The following GRIN3A variants were observed in gnomAD, a reference collection of about 807,000 sequenced individuals.
The protein encoded by GRIN3A is glutamate receptor ionotropic, NMDA 3A.
GRIN3A carries 47 observed loss-of-function variants against 92.4 expected under a neutral mutation model. The observed-to-expected ratio is 0.51, with a 90% CI of 0.40 to 0.65. The LOEUF (loss-of-function observed/expected upper bound fraction) is 0.65. GRIN3A is among the 30% of genes least tolerant of loss of function. GRIN3A has a pLI of 0.00. For missense variants in GRIN3A, 1,324 were observed against 1,393.1 expected (o/e 0.95, Z 0.79); for synonymous variants, 527 against 540.6 (o/e 0.97, Z 0.35).
chr9:101,591,695 G>A (rs563638729), intron 6 of GRIN3A: 20 of 152,282 alleles, frequency 1.3e-4, no homozygotes, highest in African/African-American at 4.8e-4. Context: ...TTAACTGACA[G>A]GAAAAACAAA....
intron 3 of GRIN3A, among the ~76,000 whole-genome samples, chr9:101,648,621 C>T (rs1005682): frequency 0.35 from 53,912 of 151,876 alleles, 10,078 homozygotes; most frequent in African/African-American, 0.48. Context: ...AATATTTGTT[C>T]TATGTATTTA....
chr9:101,686,297 A>G (rs1829531986), intron 2 of GRIN3A, among the ~76,000 whole-genome samples: 1 of 152,150 alleles, frequency 6.6e-6, no homozygotes, highest in Admixed American at 6.5e-5. Context: ...TAGTTAGAAA[A>G]CTGAGGCTTG....
Position 101,737,713 on chromosome 9 carries a change from C to T in GRIN3A, c.267G>A (p.Pro89=), listed in dbSNP as rs926118963. 3.3e-6 allele frequency: 5 copies of T among 1,530,066 alleles called. No homozygotes were observed. In the African/African-American group the frequency reaches 4.1e-5, roughly 13 times the overall value. The allele number at this position is 1,530,066 out of a possible 1,614,324, so 94.8% of individuals were successfully genotyped here. A position where few individuals can be genotyped will look rare whatever the true frequency, so the allele number is the denominator to read the frequency against. Residue 89 remains proline, a synonymous_variant, in exon 1 of 9, where the codon CCG becomes CCA. Coordinates refer to ENST00000361820, the MANE Select transcript of GRIN3A (RefSeq NM_133445.3). Reference sequence around the variant, plus strand: ...ACCAGCGTGCGCCCGGCGAGGGCGCCGGGGACCGCCTAGTCCCTGGCTCCG... The same window carrying T: ...ACCAGCGTGCGCCCGGCGAGGGCGCTGGGGACCGCCTAGTCCCTGGCTCCG... ...DEPEPGTRRS[P]APSPGARWLG... is the part of the protein sequence containing the mutation.
chr9:101,606,079 C>G (rs1283778354), intron 6 of GRIN3A, among the ~76,000 whole-genome samples: 1 of 152,204 alleles, frequency 6.6e-6, no homozygotes, highest in Non-Finnish European at 1.5e-5. Context: ...ACTTCTCTCT[C>G]CTTCCCAACA....
intron 6 of GRIN3A, chr9:101,601,169 A>G (rs1828205323): frequency 6.6e-6 from 1 of 152,240 alleles, no homozygotes; most frequent in Non-Finnish European, 1.5e-5. Flanking sequence ...GAAAGAGTAC[A>G]GGTGTAGATA....
intron 3 of GRIN3A, among the ~76,000 whole-genome samples, chr9:101,660,881 A>G (rs1371408760): frequency 2.6e-5 from 4 of 151,928 alleles, no homozygotes; most frequent in African/African-American, 4.8e-5. Flanking sequence ...TCTTATTCCA[A>G]TGATGCTGCC....
intron 6 of GRIN3A, among the ~76,000 whole-genome samples, chr9:101,586,251 C>A (rs1357250819): frequency 6.6e-6 from 1 of 152,088 alleles, no homozygotes; most frequent in Non-Finnish European, 1.5e-5. Flanking sequence ...TTGTTTATTG[C>A]CTATTTCCCC....
intron 1 of GRIN3A, among the ~76,000 whole-genome samples, chr9:101,706,961 A>G (rs561912018): frequency 4.6e-5 from 7 of 152,316 alleles, no homozygotes; most frequent in Admixed American, 3.3e-4. Context: ...CACAGATTTC[A>G]GAAAAGAAAC....
rs748683989 is a variant in GRIN3A, at chr9:101,573,556, CT to C, written c.3009-44del. 4 of 1,459,108 alleles carry C rather than the reference CT, an allele frequency of 2.7e-6. No homozygotes were observed. The African/African-American group carries it at 5.6e-5, about 20-fold the overall frequency. 90.4% of individuals were successfully genotyped at this position (1,459,108 alleles called of 1,614,324 possible). On this transcript the variant is annotated intron_variant, in intron 8 of 8. Coordinates refer to ENST00000361820, the MANE Select transcript of GRIN3A (RefSeq NM_133445.3). ...TTTAGATTTACTTTCCATTCTGCAG[CT>C]CTCAAGGTGCTGTCTTCATCTGTTA...
chr9:101,730,609 C>A (rs1830126397), intron 1 of GRIN3A, among the ~76,000 whole-genome samples: 1 of 152,106 alleles, frequency 6.6e-6, no homozygotes, highest in Non-Finnish European at 1.5e-5. Context: ...TTAACTCCCA[C>A]CTTATATTTC....
intron 6 of GRIN3A, among the ~76,000 whole-genome samples, chr9:101,606,975 A>G (rs1828294405): frequency 1.2e-5 from 1 of 80,584 alleles, no homozygotes; most frequent in Non-Finnish European, 2.3e-5. Context: ...CTGTTTCCCT[A>G]ATGGCACTGA....
chr9:101,678,322 C>G (rs915722048), intron 2 of GRIN3A, among the ~76,000 whole-genome samples: 1 of 152,048 alleles, frequency 6.6e-6, no homozygotes, highest in Admixed American at 6.5e-5. Flanking sequence ...ACATTTTCCT[C>G]CTGAATAATG....
chr9:101,706,445 T>C (rs1412807238), intron 1 of GRIN3A, among the ~76,000 whole-genome samples: 1 of 152,158 alleles, frequency 6.6e-6, no homozygotes, highest in Non-Finnish European at 1.5e-5. Context: ...ATGTGAACAA[T>C]ATTAGTATTG....
chr9:101,640,244 T>C (rs1828837928), intron 3 of GRIN3A, among the ~76,000 whole-genome samples: 1 of 152,224 alleles, frequency 6.6e-6, no homozygotes, highest in Non-Finnish European at 1.5e-5. Flanking sequence ...CTTATCTTTC[T>C]TTTCTGTTCA....
chr9:101,705,818 C>T (rs1829810482), intron 1 of GRIN3A, among the ~76,000 whole-genome samples: 1 of 152,150 alleles, frequency 6.6e-6, no homozygotes, highest in Admixed American at 6.5e-5. Flanking sequence ...AAGTGCTTTA[C>T]AATTATTTAT....
At chr9:101,605,589 G>A (rs975611735) in intron 6 of GRIN3A, among the ~76,000 whole-genome samples, 1 of 152,140 alleles carries the variant, frequency 6.6e-6, no homozygotes, top group African/African-American at 2.4e-5. Context: ...GGTAAAGGCT[G>A]GGGGAGGATA....
At chr9:101,721,360 A>C (rs1830010833) in intron 1 of GRIN3A, among the ~76,000 whole-genome samples, 1 of 152,210 alleles carries the variant, frequency 6.6e-6, no homozygotes, top group Non-Finnish European at 1.5e-5. Flanking sequence ...CTGTAGGTTC[A>C]ATTAAAACTC....
In GRIN3A at chr9:101,570,299, C is replaced by T. The variant is rs567741841; in HGVS notation, c.*2875G>A. 6.6e-6 allele frequency: 1 copy of T among 152,668 alleles called. No homozygotes were observed. Among genetic ancestry groups the T allele is most frequent in the African/African-American group, 2.4e-5 (1 of 41,538 alleles). The allele number at this position is 152,668 out of a possible 1,614,324, so 9.5% of individuals were successfully genotyped here. ...CTTTCTTCTTTACCAGAATACCACC[C>T]TCTATCTGAAGGCTTCTGATCTTTG... On this transcript the variant is annotated 3_prime_UTR_variant, in exon 9 of 9. Coordinates refer to ENST00000361820, the MANE Select transcript of GRIN3A (RefSeq NM_133445.3).
chr9:101,737,701 C>A lies in GRIN3A; in HGVS notation c.279G>T (p.Pro93=). 1 of 1,541,334 alleles carries A rather than the reference C, an allele frequency of 6.5e-7. No individual in the cohort carries two copies. Among genetic ancestry groups the A allele is most frequent in the Non-Finnish European group, 8.7e-7 (1 of 1,149,308 alleles). Residue 93 remains proline, a synonymous_variant, in exon 1 of 9, where the codon CCG becomes CCT. Transcript: ENST00000361820. ...PGTRRSPAPS[P]GARWLGSTLH... ...GGGTGCTCCCCAACCAGCGTGCGCC[C>A]GGCGAGGGCGCCGGGGACCGCCTAG...
Sources: allele counts gnomAD v4.1 joint callset (sites outside exome capture counted in the v4.1 genomes callset), GRCh38; gene constraint gnomAD v4.1.1; transcripts MANE v1.5; gene names NCBI Gene and HGNC (gene_info 2026-07-23, HGNC 2026-07-21).